PIK3C2A: variants seen among roughly 807,000 people sequenced by gnomAD.
The protein encoded by PIK3C2A is phosphatidylinositol-4-phosphate 3-kinase catalytic subunit type 2 alpha.
Under a neutral mutation model 204.5 loss-of-function variants are expected in PIK3C2A, and 97 were observed. That is an observed-to-expected ratio of 0.47 (90% CI 0.40 to 0.56). PIK3C2A has a LOEUF of 0.56. Ranked by LOEUF, PIK3C2A falls within the 20% of genes least tolerant of loss-of-function variation. The pLI, the probability that PIK3C2A is intolerant of heterozygous loss-of-function variation, is 0.00. For synonymous variants in PIK3C2A, 653 were observed against 664.4 expected, an observed-to-expected ratio of 0.98 and a Z score of 0.26; for missense variants, 1,735 against 1,969.2, an observed-to-expected ratio of 0.88 and a Z score of 2.25.
At chr11:17,138,338 T>C (rs947904236) in intron 8 of PIK3C2A, 6 of 473,540 alleles carry the variant, frequency 1.3e-5, no homozygotes, top group Non-Finnish European at 2.3e-5. Flanking sequence ...TTTTTTTTTT[T>C]TTTAATTCAG....
At position 17,114,403 on chromosome 11, in the gene PIK3C2A, G is replaced by A. The variant is rs1849109924; in HGVS notation, c.3279C>T (p.Leu1093=). ...QSFFQKNKCR[L]PLKPSLVAKE... ...TTGCCACTAGACTTGGCTTGAGAGG[G>A]AGACGGCATTTATTTTTCTGAAAAA... Residue 1093 remains leucine (L), a synonymous_variant, in exon 20 of 33, where the codon CTC becomes CTT. Transcript: ENST00000691414. 5.0e-6 allele frequency: 8 copies of A among 1,594,924 alleles called. No homozygotes were observed. Among genetic ancestry groups the A allele is most frequent in the Non-Finnish European group, 6.9e-6 (8 of 1,162,868 alleles).
At chr11:17,206,648 T>C (rs183241562) in intron 1 of PIK3C2A, among the ~76,000 whole-genome samples, 2 of 151,848 alleles carry the variant, frequency 1.3e-5, no homozygotes, top group African/African-American at 2.4e-5. Flanking sequence ...GAGTCTCTTG[T>C]GGAGACTTGA....
At chr11:17,177,206 ATT>A (rs982048436) in intron 1 of PIK3C2A, among the ~76,000 whole-genome samples, 31 of 152,204 alleles carry the variant, frequency 2.0e-4, no homozygotes, top group Admixed American at 7.9e-4. Flanking sequence ...ATTTTAATAA[ATT>A]TGTTTCTTTT....
intron 1 of PIK3C2A, among the ~76,000 whole-genome samples, chr11:17,175,589 A>G (rs752571876): frequency 2.0e-5 from 3 of 152,246 alleles, no homozygotes; most frequent in Non-Finnish European, 2.9e-5. Flanking sequence ...GAAAGACAAT[A>G]TAACTAGTAT....
At chr11:17,136,413 T>C (rs1849873985) in intron 9 of PIK3C2A, 69 bp downstream of exon 9, 2 of 1,207,688 alleles carry the variant, frequency 1.7e-6, no homozygotes, top group Admixed American at 4.1e-5. Context: ...TTGTCTAGGA[T>C]AAGGCAAAAA....
chr11:17,114,324 A>C, intron 20 of PIK3C2A, 37 bp downstream of exon 20: 1 of 1,072,106 alleles, frequency 9.3e-7, no homozygotes, highest in East Asian at 2.4e-5. Flanking sequence ...TATTATTTTC[A>C]AATGTAATAT....
At chr11:17,117,269 T>C (rs1315846174) in intron 19 of PIK3C2A, among the ~76,000 whole-genome samples, 4 of 152,148 alleles carry the variant, frequency 2.6e-5, no homozygotes, top group East Asian at 1.9e-4. Flanking sequence ...TAAATAAGCA[T>C]GGAAATAAAT....
chr11:17,168,458 G>A (rs1437993720), intron 2 of PIK3C2A, among the ~76,000 whole-genome samples: 4 of 152,028 alleles, frequency 2.6e-5, no homozygotes, highest in Non-Finnish European at 5.9e-5. Context: ...GCGGGTGCCT[G>A]TAGTCCCAGC....
intron 1 of PIK3C2A, among the ~76,000 whole-genome samples, chr11:17,183,416 C>T (rs1256153754): frequency 6.6e-6 from 1 of 152,194 alleles, no homozygotes; most frequent in African/African-American, 2.4e-5. Flanking sequence ...TGGCTCACAT[C>T]TGTAATCCCA....
In PIK3C2A at chr11:17,088,184, T is replaced by C. The variant is rs1274732940; in HGVS notation, c.*1554A>G. On this transcript the variant is annotated 3_prime_UTR_variant, in exon 33 of 33. Transcript: ENST00000691414. ...TAACCATGAGTTCTTATTATATATA[T>C]GTATATATCCAAATTAACAAAATTG... 1 of 152,176 alleles carries C rather than the reference T, an allele frequency of 6.6e-6. No individual in the cohort carries two copies. Among genetic ancestry groups the C allele is most frequent in the East Asian group, 1.9e-4 (1 of 5,200 alleles). The allele number at this position is 152,176 out of a possible 1,614,324, so 9.4% of individuals were successfully genotyped here. A position where few individuals can be genotyped will look rare whatever the true frequency, so the allele number is the denominator to read the frequency against.
intron 8 of PIK3C2A, among the ~76,000 whole-genome samples, chr11:17,145,116 G>C (rs530579161): frequency 6.6e-6 from 1 of 152,228 alleles, no homozygotes; most frequent in East Asian, 1.9e-4. Flanking sequence ...CCTTGTCTCA[G>C]ATGAGACTTT....
intron 1 of PIK3C2A, among the ~76,000 whole-genome samples, chr11:17,175,230 T>G (rs1378888428): frequency 1.3e-5 from 2 of 152,220 alleles, no homozygotes; most frequent in Non-Finnish European, 2.9e-5. Flanking sequence ...ACATCACCAA[T>G]GTATTTGCTT....
intron 8 of PIK3C2A, among the ~76,000 whole-genome samples, chr11:17,142,124 T>C (rs1439844621): frequency 6.6e-6 from 1 of 152,208 alleles, no homozygotes; most frequent in Non-Finnish European, 1.5e-5. Context: ...GATGGATGAA[T>C]AGATATGATG....
intron 1 of PIK3C2A, among the ~76,000 whole-genome samples, chr11:17,184,711 G>A (rs1381412190): frequency 6.6e-6 from 1 of 151,962 alleles, no homozygotes; most frequent in East Asian, 1.9e-4. Context: ...AAGAGGAGAG[G>A]ATCCTTAAGC....
chr11:17,194,801 C>T (rs189904640), intron 1 of PIK3C2A, among the ~76,000 whole-genome samples: 48 of 151,708 alleles, frequency 3.2e-4, no homozygotes, highest in Admixed American at 4.6e-4. Context: ...CCCAGCTACT[C>T]GGGAGTCTGA....
intron 1 of PIK3C2A, among the ~76,000 whole-genome samples, chr11:17,174,361 G>A (rs1194455518): frequency 1.1e-5 from 1 of 90,078 alleles, no homozygotes; most frequent in Non-Finnish European, 2.2e-5. Flanking sequence ...GCCGAGGCGG[G>A]CGGATCACGA....
At chr11:17,195,437 T>A (rs1354051938) in intron 1 of PIK3C2A, among the ~76,000 whole-genome samples, 1 of 140,924 alleles carries the variant, frequency 7.1e-6, no homozygotes, top group East Asian at 2.2e-4. Context: ...ATTAGAAACA[T>A]GGCCAGGTGC....
Position 17,099,963 on chromosome 11 carries a change from G to A in PIK3C2A, c.4015C>T (p.Pro1339Ser). Residue 1339 changes from proline (P) to serine (S), a missense_variant, in exon 26 of 33, where the codon CCT becomes TCT. This residue lies in a region of PIK3C2A where 503 missense variants were observed against 669.0 expected (regional missense o/e 0.75). Transcript: ENST00000691414. ...CTTGTAAGTTCTGGTAACCCTGAAG[G>A]AATCATCTGTAGAAGAAAACAAAAA... is the stretch of plus-strand genomic sequence containing the variant. ...LFLNLLSLMI[P>S]SGLPELTSIQ... 6.6e-7 allele frequency: 1 copy of A among 1,506,916 alleles called. No individual in the cohort carries two copies. The highest frequency in any genetic ancestry group is 9.2e-7 in the Non-Finnish European group (1 of 1,087,804). 93.3% of individuals were successfully genotyped at this position (1,506,916 alleles called of 1,614,324 possible). A position where few individuals can be genotyped will look rare whatever the true frequency, so the allele number is the denominator to read the frequency against.
At chr11:17,157,797 A>C (rs1449247872) in intron 2 of PIK3C2A, among the ~76,000 whole-genome samples, 1 of 152,236 alleles carries the variant, frequency 6.6e-6, no homozygotes, top group Non-Finnish European at 1.5e-5. Flanking sequence ...TTTGTATTAC[A>C]GAAGCAACCA....
Sources: gnomAD v4.1 joint callset for allele counts (sites outside exome capture counted in the v4.1 genomes callset) on GRCh38, gnomAD v4.1.1 for gene constraint, gnomAD v4.1.1 regional missense constraint, MANE v1.5 for transcripts, NCBI Gene and HGNC (gene_info 2026-07-23, HGNC 2026-07-21) for gene names.